Variants in SLC9A9 observed in about 807,000 individuals in gnomAD.
SLC9A9 encodes sodium/hydrogen exchanger 9.
A neutral mutation model predicts 77.8 loss-of-function variants in SLC9A9; 62 were observed. The observed-to-expected ratio is 0.80, with a 90% CI of 0.65 to 0.98. The LOEUF is 0.98. Ranked by LOEUF, SLC9A9 falls within the 50% of genes least tolerant of loss-of-function variation. The pLI is 0.00. For missense variants in SLC9A9, 775 were observed against 774.9 expected, an observed-to-expected ratio of 1.00 and a Z score of 0.00; for synonymous variants, 320 against 283.5, an observed-to-expected ratio of 1.13 and a Z score of -1.29.
At chr3:143,813,767 A>C (rs1390851100) in intron 2 of SLC9A9, among the ~76,000 whole-genome samples, 4 of 152,218 alleles carry the variant, frequency 2.6e-5, no homozygotes, top group South Asian at 4.1e-4. Flanking sequence ...ACAATGAATT[A>C]ACCCTTCAAG....
intron 4 of SLC9A9, among the ~76,000 whole-genome samples, chr3:143,769,814 GA>G (rs1158615904): frequency 6.6e-6 from 1 of 152,146 alleles, no homozygotes; most frequent in Admixed American, 6.6e-5. Flanking sequence ...GTGACTCAAG[GA>G]TGGATGATGT....
At chr3:143,743,982 G>A (rs941892483) in intron 4 of SLC9A9, among the ~76,000 whole-genome samples, 1 of 152,122 alleles carries the variant, frequency 6.6e-6, no homozygotes, top group Non-Finnish European at 1.5e-5. Context: ...CAGAAATTTG[G>A]AGCAAATGAC....
At chr3:143,502,356 G>T (rs867110630) in intron 9 of SLC9A9, among the ~76,000 whole-genome samples, 3 of 142,966 alleles carry the variant, frequency 2.1e-5, no homozygotes, top group Non-Finnish European at 2.9e-5. Flanking sequence ...AACTCTGAAC[G>T]CTCATGGTAA....
chr3:143,583,220 A>G (rs2037485799), intron 6 of SLC9A9, among the ~76,000 whole-genome samples: 2 of 152,140 alleles, frequency 1.3e-5, no homozygotes. Flanking sequence ...TAAGTCCAGG[A>G]TATTGATTCA....
intron 12 of SLC9A9, among the ~76,000 whole-genome samples, chr3:143,447,942 C>T (rs551519456): frequency 6.6e-6 from 1 of 152,264 alleles, no homozygotes; most frequent in African/African-American, 2.4e-5. Flanking sequence ...ATGCTTTATT[C>T]ATTGGCTGGC....
At chr3:143,293,863 A>T (rs990415508) in intron 14 of SLC9A9, among the ~76,000 whole-genome samples, 1 of 152,246 alleles carries the variant, frequency 6.6e-6, no homozygotes, top group African/African-American at 2.4e-5. Flanking sequence ...CAATGTTTTG[A>T]ATGTCTCTGT....
At chr3:143,663,123 G>A (rs889310328) in intron 5 of SLC9A9, among the ~76,000 whole-genome samples, 4 of 152,114 alleles carry the variant, frequency 2.6e-5, no homozygotes, top group East Asian at 3.9e-4. Context: ...TTGGCTGTTC[G>A]GCAATATTTG....
In SLC9A9 at chr3:143,695,168, A is replaced by G. The variant is rs1933593602; in HGVS notation, c.534-1861T>C. Among the ~76,000 whole-genome samples the G allele has an allele frequency of 3.9e-5, 6 of 152,238 alleles. No homozygotes were observed. In the South Asian group the frequency reaches 1.2e-3, roughly 32 times the overall value. On this transcript the variant is annotated intron_variant, in intron 4 of 15. Coordinates refer to ENST00000316549, the MANE Select transcript of SLC9A9 (RefSeq NM_173653.4). ...CTTCATTCAGCTTATTTATTCATTC[A>G]AAAGATACTTCTTTTATTACTATTA... is the stretch of plus-strand genomic sequence containing the variant.
intron 4 of SLC9A9, among the ~76,000 whole-genome samples, chr3:143,774,530 C>T (rs1197592930): frequency 6.6e-6 from 1 of 152,128 alleles, no homozygotes; most frequent in Non-Finnish European, 1.5e-5. Flanking sequence ...AACAACACTG[C>T]CCACTTCTTA....
intron 6 of SLC9A9, among the ~76,000 whole-genome samples, chr3:143,644,490 G>A (rs964525882): frequency 6.6e-6 from 1 of 152,218 alleles, no homozygotes; most frequent in Non-Finnish European, 1.5e-5. Flanking sequence ...GGGACATTAA[G>A]AGGTAGGGTA....
At chr3:143,776,934 G>A (rs2007709639) in intron 4 of SLC9A9, among the ~76,000 whole-genome samples, 1 of 152,100 alleles carries the variant, frequency 6.6e-6, no homozygotes, top group African/African-American at 2.4e-5. Context: ...ATTCAATTAG[G>A]GGAATGGTAC....
At chr3:143,447,072 A>G (rs2034859637) in intron 12 of SLC9A9, among the ~76,000 whole-genome samples, 1 of 152,206 alleles carries the variant, frequency 6.6e-6, no homozygotes, top group Non-Finnish European at 1.5e-5. Flanking sequence ...CTACCACCTT[A>G]TCCCCCTCTA....
At chr3:143,752,740 T>G (rs1256413457) in intron 4 of SLC9A9, among the ~76,000 whole-genome samples, 1 of 151,850 alleles carries the variant, frequency 6.6e-6, no homozygotes, top group East Asian at 1.9e-4. Flanking sequence ...GTACTGAGCT[T>G]AAGGCAGCTC....
At chr3:143,728,868 T>C (rs1429155479) in intron 4 of SLC9A9, among the ~76,000 whole-genome samples, 1 of 152,006 alleles carries the variant, frequency 6.6e-6, no homozygotes, top group Admixed American at 6.6e-5. Flanking sequence ...GTGGTCCCTG[T>C]AACTGATATG....
intron 14 of SLC9A9, among the ~76,000 whole-genome samples, chr3:143,292,996 C>A (rs2030083515): frequency 6.6e-6 from 1 of 152,098 alleles, no homozygotes; most frequent in African/African-American, 2.4e-5. Context: ...TGGGGCAGGG[C>A]AGTAAGGAGA....
intron 1 of SLC9A9, among the ~76,000 whole-genome samples, chr3:143,847,353 A>T (rs1182633186): frequency 6.6e-6 from 1 of 152,164 alleles, no homozygotes; most frequent in Non-Finnish European, 1.5e-5. Context: ...CTTTCATTTT[A>T]CTTTAAAAGA....
At chr3:143,766,263 AGATGG>A (rs1436803550) in intron 4 of SLC9A9, among the ~76,000 whole-genome samples, 1 of 152,234 alleles carries the variant, frequency 6.6e-6, no homozygotes, top group Non-Finnish European at 1.5e-5. Context: ...AATATAGGAT[AGATGG>A]GAGTCAGAGA....
intron 12 of SLC9A9, among the ~76,000 whole-genome samples, chr3:143,434,240 T>C (rs1040535488): frequency 1.3e-5 from 2 of 152,326 alleles, no homozygotes; most frequent in East Asian, 3.9e-4. Context: ...TGCAAATATA[T>C]TGAAAATCAT....
chr3:143,448,993 A>T lies in SLC9A9; in HGVS notation c.1469+18044T>A, dbSNP rs1311062756. ...ATATAATTATATAAAAATAATTATA[A>T]TTATATAATTATATAAAATATAATT... is the stretch of plus-strand genomic sequence containing the variant. On this transcript the variant is annotated intron_variant, in intron 12 of 15. Coordinates refer to ENST00000316549, the MANE Select transcript of SLC9A9 (RefSeq NM_173653.4). Among the ~76,000 whole-genome samples, 27 of 5,414 alleles carry T rather than the reference A, an allele frequency of 5.0e-3. 11 individuals carry two copies. Among genetic ancestry groups the T allele is most frequent in the Non-Finnish European group, 6.1e-3 (27 of 4,392 alleles). 3.6% of individuals were successfully genotyped at this position (5,414 alleles called of 152,430 possible).
Sources: allele counts gnomAD v4.1 joint callset (sites outside exome capture counted in the v4.1 genomes callset), GRCh38; gene constraint gnomAD v4.1.1; transcripts MANE v1.5; gene names NCBI Gene and HGNC (gene_info 2026-07-23, HGNC 2026-07-21).